TLN2: variants seen among roughly 807,000 people sequenced by gnomAD.
TLN2 encodes the protein talin-2.
In TLN2, 118 loss-of-function variants were observed where a neutral mutation model predicts 294.7. The ratio of observed to expected loss-of-function variants is 0.40; its 90% confidence interval spans 0.34 to 0.47. The LOEUF is 0.47. Among genes scored for constraint, TLN2 ranks in the 20% least tolerant of loss-of-function variants. TLN2 has a pLI of 0.84. For synonymous variants in TLN2, 1,431 were observed against 1,304.5 expected (o/e 1.10, Z -2.09); for missense variants, 3,083 against 3,282.2 (o/e 0.94, Z 1.48).
intron 2 of TLN2, among the ~76,000 whole-genome samples, chr15:62,610,756 G>A (rs180824221): frequency 1.3e-5 from 2 of 152,320 alleles, no homozygotes; most frequent in East Asian, 3.9e-4. Flanking sequence ...GACTGCAAAC[G>A]TGCCAGGAGT....
chr15:62,745,727 G>C (rs1242448422), intron 32 of TLN2, among the ~76,000 whole-genome samples: 1 of 152,162 alleles, frequency 6.6e-6, no homozygotes, highest in Non-Finnish European at 1.5e-5. Flanking sequence ...TATTTGAGTT[G>C]CTCCGTATTC....
intron 1 of TLN2, among the ~76,000 whole-genome samples, chr15:62,536,706 G>C (rs2041371615): frequency 6.6e-6 from 1 of 152,168 alleles, no homozygotes; most frequent in Non-Finnish European, 1.5e-5. Context: ...GCCTTGTAAA[G>C]TCAGCAGGAT....
chr15:62,507,427 G>GC (rs1468084025), intron 1 of TLN2, among the ~76,000 whole-genome samples: 1 of 152,214 alleles, frequency 6.6e-6, no homozygotes, highest in Admixed American at 6.5e-5. Context: ...TGTTTATACA[G>GC]TGAGTCCCTT....
At chr15:62,650,906 T>C (rs1360098402) in intron 5 of TLN2, among the ~76,000 whole-genome samples, 1 of 152,172 alleles carries the variant, frequency 6.6e-6, no homozygotes, top group African/African-American at 2.4e-5. Flanking sequence ...CCCAAACATG[T>C]TACCCCTGTT....
chr15:62,590,607 G>A (rs2046002456), intron 2 of TLN2, among the ~76,000 whole-genome samples: 1 of 152,156 alleles, frequency 6.6e-6, no homozygotes, highest in Non-Finnish European at 1.5e-5. Context: ...CTGGTTGGTG[G>A]TTGCTGGAGC....
At chr15:62,723,285 A>G (rs556779560) in intron 26 of TLN2, among the ~76,000 whole-genome samples, 2 of 152,192 alleles carry the variant, frequency 1.3e-5, no homozygotes, top group Non-Finnish European at 2.9e-5. Flanking sequence ...GTGTTTCTCA[A>G]AGAGAGCTCG....
intron 1 of TLN2, among the ~76,000 whole-genome samples, chr15:62,488,764 C>G (rs1468567015): frequency 6.6e-6 from 1 of 152,300 alleles, no homozygotes; most frequent in South Asian, 2.1e-4. Context: ...CTGAGCCTCT[C>G]AGTGTGATAA....
Position 62,686,715 on chromosome 15 carries a change from T to A in TLN2, c.1032T>A (p.Asp344Glu). ...CCAAAGACTCGGTGATGCGCGTGGA[T>A]GAGAAGACCAAGGAAGTGCTGCAGG... ...GITKDSVMRVDEKTKEVLQEW... is the reference protein window; with the variant it reads ...GITKDSVMRVEEKTKEVLQEW... The change falls in exon 12 of 59, where the codon GAT (aspartate) becomes GAA (glutamate). Residue 344 changes from aspartate (D) to glutamate (E), a missense_variant. Transcript: ENST00000636159. The A allele has an allele frequency of 6.2e-7, 1 of 1,613,580 alleles. No homozygotes were observed.
intron 50 of TLN2, among the ~76,000 whole-genome samples, chr15:62,802,549 A>G (rs1826970): frequency 0.095 from 14,503 of 152,286 alleles, 933 homozygotes; most frequent in East Asian, 0.21. Context: ...GAGTGCAGAT[A>G]TCTCTTTAAT....
chr15:62,833,589 C>A lies in TLN2; in HGVS notation c.7088C>A (p.Ser2363Ter). The change falls in exon 55 of 59, where the codon TCG (serine) becomes TAG (stop). Residue 2363 changes from serine to a stop codon, truncating the protein, a stop_gained. Transcript: ENST00000636159. LOFTEE classifies it high-confidence loss of function. ...GCTGCCACAAGCGCCCTGGTCAAAT[C>A]GGCCTCAGCAGCCCAGAGGGAGCTG... is the stretch of plus-strand genomic sequence containing the variant. ...IAAATSALVKSASAAQRELVA... is the reference protein window; with the variant it reads ...IAAATSALVK 4 of 1,614,162 alleles carry A rather than the reference C, an allele frequency of 2.5e-6. No individual in the cohort carries two copies. The highest frequency in any genetic ancestry group is 3.4e-6 in the Non-Finnish European group (4 of 1,180,016).
chr15:62,552,781 C>T (rs1469608917), intron 1 of TLN2, among the ~76,000 whole-genome samples: 1 of 152,122 alleles, frequency 6.6e-6, no homozygotes, highest in East Asian at 1.9e-4. Context: ...ACACATAAAG[C>T]AATATTATGT....
chr15:62,652,957 G>A (rs1337057908), intron 6 of TLN2, among the ~76,000 whole-genome samples: 1 of 152,030 alleles, frequency 6.6e-6, no homozygotes, highest in Non-Finnish European at 1.5e-5. Context: ...TTTGTTACCT[G>A]TTTTCCCCCA....
chr15:62,734,871 CA>C (rs1367188965), intron 28 of TLN2, among the ~76,000 whole-genome samples: 1 of 152,230 alleles, frequency 6.6e-6, no homozygotes, highest in Non-Finnish European at 1.5e-5. Context: ...GCCTCACCCT[CA>C]GTGAGGAAAA....
At chr15:62,391,056 CTG>C (rs1313844171) in intron 1 of TLN2, among the ~76,000 whole-genome samples, 1 of 152,224 alleles carries the variant, frequency 6.6e-6, no homozygotes, top group East Asian at 1.9e-4. Context: ...TTTCCGGTAA[CTG>C]GGCTTTGAAA....
intron 1 of TLN2, among the ~76,000 whole-genome samples, chr15:62,471,453 G>A (rs563382767): frequency 3.3e-4 from 50 of 152,318 alleles, no homozygotes; most frequent in South Asian, 1.0e-3. Flanking sequence ...TATAACCTGC[G>A]TCACCTCCTG....
chr15:62,735,092 A>T (rs950399567), intron 28 of TLN2, among the ~76,000 whole-genome samples: 1 of 152,250 alleles, frequency 6.6e-6, no homozygotes, highest in Non-Finnish European at 1.5e-5. Context: ...AAAGAGCACT[A>T]TAAAGAATAT....
At position 62,777,422 on chromosome 15, in the gene TLN2, G is replaced by T. The variant is rs1257907012; in HGVS notation, c.5514+512G>T. On this transcript the variant is annotated intron_variant, in intron 43 of 58. Coordinates refer to ENST00000636159, the MANE Select transcript of TLN2 (RefSeq NM_015059.3). ...ATGGTTGCGCATGCCCATAATCCCA[G>T]CTACTCAGGAGGCTGAGGCAGGAGA... is the stretch of plus-strand genomic sequence containing the variant. 1.5e-4 allele frequency among the ~76,000 whole-genome samples: 23 copies of T among 152,000 alleles called. No homozygotes were observed. In the East Asian group the frequency reaches 4.3e-3, roughly 28 times the overall value.
intron 29 of TLN2, 60 bp downstream of exon 29, chr15:62,737,146 C>A: frequency 1.3e-6 from 2 of 1,573,360 alleles, no homozygotes; most frequent in South Asian, 2.3e-5. Flanking sequence ...GACATGTGGT[C>A]GGGCTGTCTC....
chr15:62,538,303 G>A (rs915378960), intron 1 of TLN2, among the ~76,000 whole-genome samples: 3 of 152,102 alleles, frequency 2.0e-5, no homozygotes, highest in Admixed American at 2.0e-4. Context: ...TCCATCAAGA[G>A]CTCAAGAGTA....
Sources: gnomAD v4.1 joint callset for allele counts (sites outside exome capture counted in the v4.1 genomes callset) on GRCh38, gnomAD v4.1.1 for gene constraint, MANE v1.5 for transcripts, NCBI Gene and HGNC (gene_info 2026-07-23, HGNC 2026-07-21) for gene names.